The following EBF1 variants were observed in gnomAD, a reference collection of about 807,000 sequenced individuals.
The protein encoded by EBF1 is transcription factor COE1.
EBF1 carries 10 observed loss-of-function variants against 68.4 expected under a neutral mutation model. The observed-to-expected ratio is 0.15, with a 90% confidence interval of 0.09 to 0.25. The LOEUF is 0.25. Ranked by LOEUF, EBF1 falls within the 10% of genes least tolerant of loss-of-function variation. EBF1 has a pLI of 1.00. For synonymous variants in EBF1, 298 were observed against 299.8 expected (o/e 0.99, Z 0.06); for missense variants, 509 against 794.4 (o/e 0.64, Z 4.32).
At chr5:158,794,295 C>T (rs546605239) in intron 9 of EBF1, among the ~76,000 whole-genome samples, 1 of 152,268 alleles carries the variant, frequency 6.6e-6, no homozygotes, top group East Asian at 1.9e-4. Context: ...AAAGATATTA[C>T]ATTAATGGGT....
At chr5:158,756,219 C>T (rs1022677977) in intron 10 of EBF1, among the ~76,000 whole-genome samples, 3 of 152,066 alleles carry the variant, frequency 2.0e-5, no homozygotes, top group Non-Finnish European at 2.9e-5. Context: ...CTTTCCCAGC[C>T]TCTGGAGATG....
At chr5:158,832,328 C>A (rs1787761784) in intron 7 of EBF1, among the ~76,000 whole-genome samples, 1 of 152,188 alleles carries the variant, frequency 6.6e-6, no homozygotes, top group Non-Finnish European at 1.5e-5. Context: ...AGGCTCATGC[C>A]AAGATACATA....
chr5:158,955,173 A>C (rs576773984), intron 6 of EBF1, among the ~76,000 whole-genome samples: 15 of 152,056 alleles, frequency 9.9e-5, no homozygotes, highest in African/African-American at 3.4e-4. Context: ...AAATACAAAA[A>C]TCAGCCGGGA....
intron 6 of EBF1, among the ~76,000 whole-genome samples, chr5:158,908,540 C>T (rs550516180): frequency 6.6e-6 from 1 of 152,260 alleles, no homozygotes; most frequent in Non-Finnish European, 1.5e-5. Context: ...TTAAATTAAC[C>T]ACTCTAGGTT....
At chr5:158,718,968 T>A (rs1272810472) in intron 11 of EBF1, among the ~76,000 whole-genome samples, 1 of 152,204 alleles carries the variant, frequency 6.6e-6, no homozygotes, top group East Asian at 1.9e-4. Context: ...CCTACCATAA[T>A]GTTTAGCAAA....
intron 6 of EBF1, among the ~76,000 whole-genome samples, chr5:159,006,647 T>TAAAAA (rs36045942): frequency 0.038 from 2,129 of 56,094 alleles, 529 homozygotes; most frequent in African/African-American, 0.063. Context: ...ATAGCCATGT[T>TAAAAA]AAAAAAAAAA....
chr5:158,711,160 T>A (rs570180065), intron 14 of EBF1, among the ~76,000 whole-genome samples: 1 of 152,348 alleles, frequency 6.6e-6, no homozygotes, highest in East Asian at 1.9e-4. Flanking sequence ...TGTTTTGATT[T>A]GTTGTTGTTT....
intron 6 of EBF1, among the ~76,000 whole-genome samples, chr5:159,064,322 A>T (rs1216224534): frequency 6.6e-6 from 1 of 152,206 alleles, no homozygotes; most frequent in Non-Finnish European, 1.5e-5. Context: ...AAGAGACATT[A>T]TGAAATACTG....
chr5:159,073,610 T>A (rs2127945643), intron 5 of EBF1, 146 bp from the exon 6 acceptor site: 1 of 807,234 alleles, frequency 1.2e-6, no homozygotes, highest in South Asian at 1.6e-5. Context: ...CTGGGACAGA[T>A]AATTCTATTT....
intron 8 of EBF1, among the ~76,000 whole-genome samples, chr5:158,812,705 G>T (rs893014432): frequency 1.3e-5 from 2 of 152,034 alleles, no homozygotes; most frequent in African/African-American, 4.8e-5. Context: ...GGGCGATCCT[G>T]CCCTTGACAA....
intron 5 of EBF1, among the ~76,000 whole-genome samples, chr5:159,077,317 T>C (rs1778949339): frequency 6.6e-6 from 1 of 152,178 alleles, no homozygotes; most frequent in Non-Finnish European, 1.5e-5. Context: ...TGGGTGCCTG[T>C]GATCCCAGCT....
chr5:158,956,481 A>G (rs1051450567), intron 6 of EBF1, among the ~76,000 whole-genome samples: 4 of 151,136 alleles, frequency 2.6e-5, no homozygotes, highest in Admixed American at 6.6e-5. Flanking sequence ...ACACACACGC[A>G]CACACACACA....
At chr5:158,920,827 G>A (rs1377362706) in intron 6 of EBF1, among the ~76,000 whole-genome samples, 1 of 152,146 alleles carries the variant, frequency 6.6e-6, no homozygotes, top group East Asian at 1.9e-4. Flanking sequence ...GCAGGCTCTG[G>A]CACCAGCGTG....
chr5:158,811,725 T>C (rs1782707640), intron 8 of EBF1, among the ~76,000 whole-genome samples: 2 of 152,218 alleles, frequency 1.3e-5, no homozygotes, highest in Admixed American at 6.5e-5. Context: ...TGTTAGCTCA[T>C]GATTAAGAAA....
rs1009911439 is a variant in EBF1, at chr5:158,946,105, G to T, written c.555-105995C>A. 2.0e-5 allele frequency among the ~76,000 whole-genome samples: 3 copies of T among 152,164 alleles called. No individual in the cohort carries two copies. The East Asian group carries it at 5.8e-4, about 29-fold the overall frequency. ...CTCTAACCTTTTATCAAGGTTCTTA[G>T]CTTCCTTGCATTGGGTTAGAACATG... On this transcript the variant is annotated intron_variant, in intron 6 of 15. Transcript: ENST00000313708.
At chr5:159,053,146 G>A (rs1774110481) in intron 6 of EBF1, among the ~76,000 whole-genome samples, 1 of 152,146 alleles carries the variant, frequency 6.6e-6, no homozygotes, top group Non-Finnish European at 1.5e-5. Flanking sequence ...TGATCTTTGG[G>A]GTCAGACACT....
chr5:159,025,162 G>A (rs536041296), intron 6 of EBF1, among the ~76,000 whole-genome samples: 3 of 152,326 alleles, frequency 2.0e-5, no homozygotes, highest in Non-Finnish European at 2.9e-5. Context: ...CCTTTCCAGG[G>A]TAGAGGTCAA....
At chr5:158,918,268 G>A (rs1259531739) in intron 6 of EBF1, among the ~76,000 whole-genome samples, 3 of 152,190 alleles carry the variant, frequency 2.0e-5, no homozygotes, top group African/African-American at 4.8e-5. Context: ...GTCTCCATCA[G>A]CATCATCTAG....
intron 6 of EBF1, among the ~76,000 whole-genome samples, chr5:158,957,328 G>A (rs927118384): frequency 1.3e-5 from 2 of 152,328 alleles, no homozygotes; most frequent in East Asian, 3.9e-4. Context: ...GAATTTAAAT[G>A]ACAAAGATTA....
Sources: allele counts gnomAD v4.1 joint callset (sites outside exome capture counted in the v4.1 genomes callset), GRCh38; gene constraint gnomAD v4.1.1; transcripts MANE v1.5; gene names NCBI Gene and HGNC (gene_info 2026-07-23, HGNC 2026-07-21).